ST8SIA5: variants seen among roughly 807,000 people sequenced by gnomAD.
ST8SIA5 encodes the protein ST8 alpha-N-acetyl-neuraminide alpha-2,8-sialyltransferase 5, also known as alpha-2,8-sialyltransferase 8E.
ST8SIA5 carries 24 observed loss-of-function variants against 40.2 expected under a neutral mutation model. The ratio of observed to expected loss-of-function variants is 0.60; its 90% confidence interval spans 0.43 to 0.84. The LOEUF (loss-of-function observed/expected upper bound fraction) is 0.84. Ranked by LOEUF, ST8SIA5 falls within the 40% of genes least tolerant of loss-of-function variation. The probability of loss-of-function intolerance (pLI) is 0.00; values close to 1 mark genes in which losing one functional copy is unlikely to be tolerated. For missense variants in ST8SIA5, 465 were observed against 498.5 expected (o/e 0.93, Z 0.64); for synonymous variants, 198 against 201.8 (o/e 0.98, Z 0.16).
chr18:46,701,790 T>G (rs2039619518), intron 2 of ST8SIA5, among the ~76,000 whole-genome samples: 1 of 152,150 alleles, frequency 6.6e-6, no homozygotes, highest in African/African-American at 2.4e-5. Context: ...ATTCATAGGA[T>G]TTCTTAAATC....
intron 1 of ST8SIA5, among the ~76,000 whole-genome samples, chr18:46,711,233 G>C (rs1272306695): frequency 6.6e-6 from 1 of 152,202 alleles, no homozygotes; most frequent in Non-Finnish European, 1.5e-5. Context: ...GCCTGGCTGA[G>C]TATCTTTGTG....
chr18:46,727,170 G>A (rs983626685), intron 1 of ST8SIA5, among the ~76,000 whole-genome samples: 1 of 152,238 alleles, frequency 6.6e-6, no homozygotes, highest in Admixed American at 6.5e-5. Flanking sequence ...TGAAAAGTGT[G>A]TGGTGCCACC....
In ST8SIA5 at chr18:46,669,554, C is replaced by T. The variant is rs1286689129; in HGVS notation, c.*10488G>A. Reference sequence around the variant, plus strand: ...GGCCTGAGTCACTGCAGAGCCAGCACACCCCTAGCTGAAGTCCTGACCCTC... The same window carrying T: ...GGCCTGAGTCACTGCAGAGCCAGCATACCCCTAGCTGAAGTCCTGACCCTC... On this transcript the variant is annotated 3_prime_UTR_variant, in exon 7 of 7. Transcript: ENST00000315087. 1.3e-5 allele frequency: 2 copies of T among 152,220 alleles called. No individual in the cohort carries two copies. The highest frequency in any genetic ancestry group is 2.9e-5 in the Non-Finnish European group (2 of 68,090). The allele number at this position is 152,220 out of a possible 1,614,324, so 9.4% of individuals were successfully genotyped here.
chr18:46,709,151 T>C (rs191491285), intron 1 of ST8SIA5, among the ~76,000 whole-genome samples: 29 of 152,360 alleles, frequency 1.9e-4, no homozygotes, highest in African/African-American at 7.0e-4. Flanking sequence ...TTAAGTTTCA[T>C]GTTTAAACTT....
intron 1 of ST8SIA5, among the ~76,000 whole-genome samples, chr18:46,737,497 T>C (rs2040046519): frequency 6.6e-6 from 1 of 152,158 alleles, no homozygotes; most frequent in African/African-American, 2.4e-5. Flanking sequence ...TAGGATAAAG[T>C]TTCAGGATTC....
intron 1 of ST8SIA5, chr18:46,721,381 C>A: frequency 6.5e-7 from 1 of 1,536,140 alleles, no homozygotes; most frequent in Non-Finnish European, 8.7e-7. Flanking sequence ...GAGTCACTGC[C>A]GCTCTGCACT....
chr18:46,719,960 T>G (rs1484409370), intron 1 of ST8SIA5, among the ~76,000 whole-genome samples: 1 of 151,846 alleles, frequency 6.6e-6, no homozygotes, highest in African/African-American at 2.4e-5. Flanking sequence ...CGTCTCAGCC[T>G]CCTGAGTAGC....
rs1478385764 is a variant in ST8SIA5, at chr18:46,678,865, A to C, written c.*1177T>G. The C allele has an allele frequency of 1.3e-5, 2 of 152,274 alleles. No homozygotes were observed. Among genetic ancestry groups the C allele is most frequent in the Non-Finnish European group, 2.9e-5 (2 of 68,088 alleles). The allele number at this position is 152,274 out of a possible 1,614,324, so 9.4% of individuals were successfully genotyped here. A position where few individuals can be genotyped will look rare whatever the true frequency, so the allele number is the denominator to read the frequency against. ...AAACACCACAGGGAGAAGCAAAGGG[A>C]ATTAATTTCAGATGTGAAATGATAT... On this transcript the variant is annotated 3_prime_UTR_variant, in exon 7 of 7. Transcript: ENST00000315087.
rs569978702 is a variant in ST8SIA5, at chr18:46,725,061, G to T, written c.132-20397C>A. On this transcript the variant is annotated intron_variant, in intron 1 of 6. Transcript: ENST00000315087. ...GAAGGAAGGAAGGAAAAGAGAGAAA[G>T]AAAGGAAGGAAGAAAGAAAATCTCA... Among the ~76,000 whole-genome samples, 7 of 150,694 alleles carry T rather than the reference G, an allele frequency of 4.6e-5. No homozygotes were observed. The East Asian group carries it at 1.4e-3, about 30-fold the overall frequency.
Position 46,668,245 on chromosome 18 carries a change from T to C in ST8SIA5, c.*11797A>G, listed in dbSNP as rs1199318721. On this transcript the variant is annotated 3_prime_UTR_variant, in exon 7 of 7. Transcript: ENST00000315087. ...AGCGCAGTGCAGCGTGACTTGGCTC[T>C]TTGAGAGGAAAGCAAGGGAGGGAAG... 1 of 152,250 alleles carries C rather than the reference T, an allele frequency of 6.6e-6. No homozygotes were observed. Among genetic ancestry groups the C allele is most frequent in the Admixed American group, 6.5e-5 (1 of 15,280 alleles). The allele number at this position is 152,250 out of a possible 1,614,324, so 9.4% of individuals were successfully genotyped here. A position where few individuals can be genotyped will look rare whatever the true frequency, so the allele number is the denominator to read the frequency against.
chr18:46,705,738 A>G (rs11663996), intron 1 of ST8SIA5, among the ~76,000 whole-genome samples: 38,827 of 152,210 alleles, frequency 0.26, 6,235 homozygotes, highest in Middle Eastern at 0.4. Context: ...ATCCCAGGAC[A>G]GCCTTAACAT....
intron 1 of ST8SIA5, among the ~76,000 whole-genome samples, chr18:46,733,638 GAGGAATGTTATTCCACACAGGGC>G (rs1231150334): frequency 1.3e-5 from 2 of 152,182 alleles, no homozygotes; most frequent in African/African-American, 4.8e-5. Flanking sequence ...TGGGGTGGGG[GAGGAATGTTATTCCACACAGGGC>G]AGTCAGGGAG....
chr18:46,756,843 C>G lies in ST8SIA5; in HGVS notation c.-335G>C. The G allele has an allele frequency of 3.7e-6, 1 of 269,822 alleles. No homozygotes were observed. 16.7% of individuals were successfully genotyped at this position (269,822 alleles called of 1,614,324 possible). A position where few individuals can be genotyped will look rare whatever the true frequency, so the allele number is the denominator to read the frequency against. The stretch of plus-strand genomic sequence containing the variant: ...AGGGGAGACGCCAGGTGCCACGAGC[C>G]GGAGGCGGCCCCTCCCGCCGAGGTG... On this transcript the variant is annotated 5_prime_UTR_variant, in exon 1 of 7. Coordinates refer to ENST00000315087, the MANE Select transcript of ST8SIA5 (RefSeq NM_013305.6).
At chr18:46,733,067 C>A (rs1215673531) in intron 1 of ST8SIA5, among the ~76,000 whole-genome samples, 1 of 152,256 alleles carries the variant, frequency 6.6e-6, no homozygotes, top group Middle Eastern at 3.4e-3. Flanking sequence ...ATCAGCAGGG[C>A]CAGCACAGCC....
chr18:46,744,963 C>T (rs938542994), intron 1 of ST8SIA5, among the ~76,000 whole-genome samples: 14 of 152,210 alleles, frequency 9.2e-5, no homozygotes, highest in Non-Finnish European at 1.6e-4. Flanking sequence ...TCCTGAATGA[C>T]TACTGGGTAA....
At chr18:46,690,553 T>C (rs2144478676) in intron 3 of ST8SIA5, among the ~76,000 whole-genome samples, 1 of 150,680 alleles carries the variant, frequency 6.6e-6, no homozygotes, top group African/African-American at 2.4e-5. Flanking sequence ...GTTTTTCTCT[T>C]GCCACATCAT....
chr18:46,704,767 A>G, intron 1 of ST8SIA5, 103 bp from the exon 2 acceptor site: 2 of 991,158 alleles, frequency 2.0e-6, no homozygotes, highest in Non-Finnish European at 3.2e-6. Flanking sequence ...AGTGAAATAA[A>G]TAAAGCCAAC....
chr18:46,690,849 C>T (rs936740454), intron 3 of ST8SIA5, among the ~76,000 whole-genome samples: 1 of 152,126 alleles, frequency 6.6e-6, no homozygotes, highest in Admixed American at 6.5e-5. Flanking sequence ...CTCCTGACCT[C>T]AGGTGATTCA....
At chr18:46,706,657 G>A (rs933769493) in intron 1 of ST8SIA5, among the ~76,000 whole-genome samples, 1 of 152,202 alleles carries the variant, frequency 6.6e-6, no homozygotes, top group Non-Finnish European at 1.5e-5. Flanking sequence ...TACAGAGGGA[G>A]GAAAGCTAAA....
Sources: allele counts gnomAD v4.1 joint callset (sites outside exome capture counted in the v4.1 genomes callset), GRCh38; gene constraint gnomAD v4.1.1; transcripts MANE v1.5; gene names NCBI Gene and HGNC (gene_info 2026-07-23, HGNC 2026-07-21).